The following AAK1 variants were observed in gnomAD, a reference collection of about 807,000 sequenced individuals.
AAK1 encodes AP2 associated kinase 1.
A neutral mutation model predicts 116.0 loss-of-function variants in AAK1; 37 were observed. That is an observed-to-expected ratio of 0.32 (90% CI 0.25 to 0.42). The LOEUF (loss-of-function observed/expected upper bound fraction) is 0.42. Ranked by LOEUF, AAK1 falls within the 10% of genes least tolerant of loss-of-function variation. The pLI is 1.00. For synonymous variants in AAK1, 458 were observed against 439.9 expected, an observed-to-expected ratio of 1.04 and a Z score of -0.51; for missense variants, 919 against 1,170.6, an observed-to-expected ratio of 0.79 and a Z score of 3.14.
intron 2 of AAK1, among the ~76,000 whole-genome samples, chr2:69,586,506 G>A (rs1031958525): frequency 4.6e-5 from 7 of 152,160 alleles, no homozygotes; most frequent in African/African-American, 1.7e-4. Context: ...TTCCAATTGT[G>A]GCTCTGCATT....
intron 2 of AAK1, among the ~76,000 whole-genome samples, chr2:69,559,026 G>A (rs768957768): frequency 2.2e-4 from 24 of 107,372 alleles, no homozygotes; most frequent in Non-Finnish European, 3.8e-4. Flanking sequence ...ACCTAATTTT[G>A]TAAAAAGAAA....
intron 2 of AAK1, among the ~76,000 whole-genome samples, chr2:69,613,695 G>A (rs1295372245): frequency 6.6e-6 from 1 of 152,226 alleles, no homozygotes; most frequent in African/African-American, 2.4e-5. Flanking sequence ...GGAGGTACCT[G>A]GAGGGTGGCA....
chr2:69,514,662 G>T lies in AAK1; in HGVS notation c.1585C>A (p.Gln529Lys). Residue 529 changes from glutamine to lysine, a missense_variant, in exon 13 of 22, where the codon CAG becomes AAG. This residue lies in a region of AAK1 where 214 missense variants were observed against 210.6 expected (regional missense o/e 1.02). Coordinates refer to ENST00000409085, the MANE Select transcript of AAK1 (RefSeq NM_014911.5). Reference sequence around the variant, plus strand: ...TGCTGCTGCTGCTGGTAGAAATTCTGCATTAGCTGCTGTTGAGAGCCTCCT... The same window carrying T: ...TGCTGCTGCTGCTGGTAGAAATTCTTCATTAGCTGCTGTTGAGAGCCTCCT... ...SQGGSQQQLM[Q>K]NFYQQQQQQQ... 1 of 1,613,168 alleles carries T rather than the reference G, an allele frequency of 6.2e-7. No individual in the cohort carries two copies.
At chr2:69,598,827 T>G (rs774858881) in intron 2 of AAK1, 13 of 216,146 alleles carry the variant, frequency 6.0e-5, no homozygotes, top group Non-Finnish European at 1.2e-4. Context: ...CCACCCCTTT[T>G]CTTTTTATGA....
At chr2:69,558,137 G>A (rs1367092385) in intron 2 of AAK1, among the ~76,000 whole-genome samples, 1 of 152,084 alleles carries the variant, frequency 6.6e-6, no homozygotes, top group Non-Finnish European at 1.5e-5. Flanking sequence ...GAGCTCAGGA[G>A]TTCAGGACCA....
intron 3 of AAK1, among the ~76,000 whole-genome samples, chr2:69,552,970 T>C (rs907695247): frequency 6.6e-6 from 1 of 151,684 alleles, no homozygotes; most frequent in Admixed American, 6.6e-5. Context: ...GGTGAGGAAA[T>C]CTGGAATGTG....
At chr2:69,585,051 T>A (rs1439595435) in intron 2 of AAK1, among the ~76,000 whole-genome samples, 1 of 152,068 alleles carries the variant, frequency 6.6e-6, no homozygotes, top group African/African-American at 2.4e-5. Context: ...CATTTCCTCA[T>A]CACAATAAAC....
chr2:69,517,174 G>A (rs938190317), intron 12 of AAK1: 7 of 152,148 alleles, frequency 4.6e-5, no homozygotes, highest in African/African-American at 1.7e-4. Context: ...GATGACAAGA[G>A]GGAACAAATT....
chr2:69,540,750 G>T (rs1390018769), intron 5 of AAK1, among the ~76,000 whole-genome samples: 2 of 152,098 alleles, frequency 1.3e-5, no homozygotes, highest in African/African-American at 2.4e-5. Context: ...CTACCCCTAG[G>T]TATAGACCTA....
In AAK1 at chr2:69,527,208, T is replaced by G; in HGVS notation, c.975+8A>C. 6.3e-7 allele frequency: 1 copy of G among 1,576,036 alleles called. No homozygotes were observed. The highest frequency in any genetic ancestry group is 1.1e-5 in the South Asian group (1 of 87,698). ...GTTTACTCCCTTTAAATAGCACCAT[T>G]CACGTACCTGTACATTTGGAATTGG... On this transcript the variant is annotated splice_region_variant and intron_variant, in intron 9 of 21. Coordinates refer to ENST00000409085, the MANE Select transcript of AAK1 (RefSeq NM_014911.5).
intron 2 of AAK1, among the ~76,000 whole-genome samples, chr2:69,613,953 A>G (rs1355280161): frequency 6.6e-6 from 1 of 152,218 alleles, no homozygotes; most frequent in Non-Finnish European, 1.5e-5. Context: ...TGAGCCCTTA[A>G]TCTGTAAAAT....
intron 10 of AAK1, 41 bp downstream of exon 10, chr2:69,524,992 G>A (rs1380362867): frequency 6.4e-7 from 1 of 1,565,284 alleles, no homozygotes; most frequent in African/African-American, 1.4e-5. Flanking sequence ...TGCTGCTGTG[G>A]CAATCCAAGG....
intron 2 of AAK1, chr2:69,594,750 G>T: frequency 1.2e-6 from 1 of 816,304 alleles, no homozygotes; most frequent in Non-Finnish European, 2.1e-6. Context: ...CTTAGAACTG[G>T]ATCACTTAGC....
chr2:69,480,915 G>A lies in AAK1; in HGVS notation c.2514C>T (p.Pro838=). Residue 838 remains proline (P), a synonymous_variant, in exon 19 of 22, where the codon CCC becomes CCT. Coordinates refer to ENST00000409085, the MANE Select transcript of AAK1 (RefSeq NM_014911.5). The stretch of plus-strand genomic sequence containing the variant: ...GAGATGGGAGGCGCTGGGGAACTGG[G>A]GGCTCCAGTCCTGGTATGAGACTCT... The part of the protein sequence containing the change: ...AVESLIPGLE[P]PVPQRLPSQT... 8.1e-6 allele frequency: 13 copies of A among 1,607,614 alleles called. No homozygotes were observed. Among genetic ancestry groups the A allele is most frequent in the Non-Finnish European group, 9.3e-6 (11 of 1,177,650 alleles).
chr2:69,550,087 T>C (rs1671112283), intron 3 of AAK1, among the ~76,000 whole-genome samples: 1 of 152,212 alleles, frequency 6.6e-6, no homozygotes, highest in Non-Finnish European at 1.5e-5. Flanking sequence ...CAATCCAGCC[T>C]AGACTCTTCG....
At chr2:69,557,301 CTTTT>C (rs869066825) in intron 2 of AAK1, among the ~76,000 whole-genome samples, 5 of 136,708 alleles carry the variant, frequency 3.7e-5, no homozygotes, top group African/African-American at 2.7e-5. Flanking sequence ...ATCCTATGTA[CTTTT>C]TTTTTTTTTT....
intron 2 of AAK1, among the ~76,000 whole-genome samples, chr2:69,632,821 C>T (rs796545116): frequency 3.9e-5 from 6 of 151,938 alleles, no homozygotes; most frequent in African/African-American, 1.2e-4. Context: ...ATCACGAGGT[C>T]GGGAGATCGA....
intron 2 of AAK1, chr2:69,597,257 C>G (rs958799913): frequency 3.3e-5 from 5 of 152,038 alleles, no homozygotes; most frequent in African/African-American, 1.2e-4. Context: ...ACTGGTGAAA[C>G]TGAAAGTATT....
intron 15 of AAK1, 118 bp from the exon 16 acceptor site, chr2:69,505,791 T>C: frequency 1.6e-6 from 1 of 627,070 alleles, no homozygotes; most frequent in Non-Finnish European, 2.8e-6. Flanking sequence ...TTTTACTGCA[T>C]TATGGCGACA....
Sources: allele counts gnomAD v4.1 joint callset (sites outside exome capture counted in the v4.1 genomes callset), GRCh38; gene constraint gnomAD v4.1.1; regional missense constraint gnomAD v4.1.1; transcripts MANE v1.5; gene names NCBI Gene and HGNC (gene_info 2026-07-23, HGNC 2026-07-21).